The following NFIB variants were observed in gnomAD, a reference collection of about 807,000 sequenced individuals.
NFIB encodes the protein nuclear factor 1 B-type.
In NFIB, 11 loss-of-function variants were observed where a neutral mutation model predicts 61.5. The ratio of observed to expected loss-of-function variants is 0.18; its 90% CI spans 0.11 to 0.30. The LOEUF (loss-of-function observed/expected upper bound fraction) is 0.30, where lower values mean the gene tolerates loss of function less well. Among genes scored for constraint, NFIB ranks in the 10% least tolerant of loss-of-function variants. The pLI is 1.00. For missense variants in NFIB, 471 were observed against 608.9 expected, an observed-to-expected ratio of 0.77 and a Z score of 2.38; for synonymous variants, 260 against 216.5, an observed-to-expected ratio of 1.20 and a Z score of -1.76.
upstream of NFIB, among the ~76,000 whole-genome samples, chr9:14,401,083 A>G (rs1341741444): frequency 1.3e-5 from 2 of 152,248 alleles, no homozygotes; most frequent in African/African-American, 4.8e-5. Flanking sequence ...AGTTCCAAGA[A>G]GTAGTGGTTA....
chr9:14,223,659 GGAA>G (rs140572817), intron 2 of NFIB, among the ~76,000 whole-genome samples: 2,557 of 152,200 alleles, frequency 0.017, 72 homozygotes, highest in African/African-American at 0.057. Context: ...GTGTAAAAGA[GGAA>G]GAAGAAGAGG....
chr9:14,362,306 C>A (rs1324386017), intron 1 of NFIB: 2 of 152,116 alleles, frequency 1.3e-5, no homozygotes, highest in South Asian at 2.1e-4. Context: ...TGCCTTGGAC[C>A]CAAATCTAGA....
intron 10 of NFIB, among the ~76,000 whole-genome samples, chr9:14,089,439 T>C (rs1364603412): frequency 3.3e-5 from 5 of 150,366 alleles, no homozygotes; most frequent in Non-Finnish European, 5.9e-5. Flanking sequence ...AAGTATCATA[T>C]GGAGGATAAA....
chr9:14,393,059 T>C (rs2133036902), intron 1 of NFIB, among the ~76,000 whole-genome samples: 1 of 152,344 alleles, frequency 6.6e-6, no homozygotes, highest in South Asian at 2.1e-4. Context: ...TTTCCAGCAT[T>C]ATTCTGTATT....
At position 14,088,341 on chromosome 9, in the gene NFIB, G is replaced by C. The variant is rs754831007; in HGVS notation, c.1468-15C>G. 6 of 1,508,512 alleles carry C rather than the reference G, an allele frequency of 4.0e-6. No individual in the cohort carries two copies. In the South Asian group the frequency reaches 5.5e-5, roughly 14 times the overall value. 93.4% of individuals were successfully genotyped at this position (1,508,512 alleles called of 1,614,324 possible). A position where few individuals can be genotyped will look rare whatever the true frequency, so the allele number is the denominator to read the frequency against. ...AGGTACCAGGACTGTTGAGAGGAGA[G>C]AGGCAGCAGGGAGGGAAGAAAAAAG... On this transcript the variant is annotated splice_polypyrimidine_tract_variant and intron_variant, in intron 10 of 10. Transcript: ENST00000380953.
intron 1 of NFIB, among the ~76,000 whole-genome samples, chr9:14,354,429 A>C (rs2061151786): frequency 6.6e-6 from 1 of 152,230 alleles, no homozygotes; most frequent in Non-Finnish European, 1.5e-5. Context: ...GTGTGAATAT[A>C]TGCTTCAATA....
intron 3 of NFIB, among the ~76,000 whole-genome samples, chr9:14,173,268 T>C (rs1262965214): frequency 1.3e-5 from 2 of 152,164 alleles, no homozygotes; most frequent in South Asian, 2.1e-4. Flanking sequence ...ATGACCCTTA[T>C]AATCATTCAA....
chr9:14,132,013 C>T (rs2040462061), intron 6 of NFIB, among the ~76,000 whole-genome samples: 1 of 152,194 alleles, frequency 6.6e-6, no homozygotes, highest in African/African-American at 2.4e-5. Flanking sequence ...CTAAAGCCTA[C>T]ATAGAAAACA....
chr9:14,391,556 G>A (rs941992847), intron 1 of NFIB, among the ~76,000 whole-genome samples: 1 of 151,328 alleles, frequency 6.6e-6, no homozygotes, highest in Admixed American at 6.6e-5. Context: ...GCACTAAGAG[G>A]ATTTAAATGA....
chr9:14,267,602 T>G (rs7846889), intron 2 of NFIB, among the ~76,000 whole-genome samples: 127,131 of 152,118 alleles, frequency 0.84, 54,726 homozygotes, highest in Non-Finnish European at 0.95. Flanking sequence ...ATGTATTATC[T>G]ATGACCCTAT....
chr9:14,395,864 A>G (rs1290280023), intron 1 of NFIB, among the ~76,000 whole-genome samples: 1 of 144,296 alleles, frequency 6.9e-6, no homozygotes, highest in African/African-American at 2.6e-5. Context: ...TGCGGGTGAG[A>G]TATGAAGGGA....
the NFIB span, among the ~76,000 whole-genome samples, chr9:14,409,321 C>T: frequency 1.3e-5 from 2 of 152,104 alleles, no homozygotes; most frequent in Non-Finnish European, 2.9e-5. Flanking sequence ...ATTGAACTAT[C>T]TGTTCTTATG....
the NFIB span, among the ~76,000 whole-genome samples, chr9:14,503,351 T>C: frequency 6.6e-6 from 1 of 152,146 alleles, no homozygotes; most frequent in Admixed American, 6.5e-5. Flanking sequence ...CTTTTAATCC[T>C]TTAAGGAATC....
the NFIB span, among the ~76,000 whole-genome samples, chr9:14,435,223 G>A: frequency 6.6e-6 from 1 of 152,208 alleles, no homozygotes; most frequent in East Asian, 1.9e-4. Flanking sequence ...TTCACCTGTG[G>A]CAAGAGGGCA....
At chr9:14,452,407 A>AGAGG in the NFIB span, among the ~76,000 whole-genome samples, 1 of 26,146 alleles carries the variant, frequency 3.8e-5, no homozygotes, top group Non-Finnish European at 6.3e-5. Context: ...AGACAGAGGG[A>AGAGG]GATGGAAGGA....
At chr9:14,479,796 A>G in the NFIB span, among the ~76,000 whole-genome samples, 20 of 152,374 alleles carry the variant, frequency 1.3e-4, no homozygotes, top group African/African-American at 4.8e-4. Flanking sequence ...TTTGTTAATA[A>G]AGAAGGTTCT....
chr9:14,415,055 G>A, the NFIB span, among the ~76,000 whole-genome samples: 1 of 152,202 alleles, frequency 6.6e-6, no homozygotes, highest in Non-Finnish European at 1.5e-5. Flanking sequence ...TTTAGCTCAG[G>A]ATCCCATAAG....
chr9:14,499,348 T>C, the NFIB span, among the ~76,000 whole-genome samples: 1 of 152,210 alleles, frequency 6.6e-6, no homozygotes, highest in African/African-American at 2.4e-5. Context: ...GCTTCTTCAG[T>C]GGAAGCTGGG....
chr9:14,367,795 C>T (rs10448158), intron 1 of NFIB, among the ~76,000 whole-genome samples: 8,821 of 152,150 alleles, frequency 0.058, 320 homozygotes, highest in Non-Finnish European at 0.082. Flanking sequence ...AACCAAACAC[C>T]GCACGTTCTC....
Sources: gnomAD v4.1 joint callset for allele counts (sites outside exome capture counted in the v4.1 genomes callset) on GRCh38, gnomAD v4.1.1 for gene constraint, MANE v1.5 for transcripts, NCBI Gene and HGNC (gene_info 2026-07-23, HGNC 2026-07-21) for gene names.